Variants in CPSF1 observed in about 807,000 individuals in gnomAD.
CPSF1 encodes cleavage and polyadenylation specificity factor subunit 1.
Under a neutral mutation model 175.8 loss-of-function variants are expected in CPSF1, and 106 were observed. The observed-to-expected ratio is 0.60, with a 90% CI of 0.52 to 0.71. CPSF1 has a LOEUF of 0.71. Ranked by LOEUF, CPSF1 falls within the 30% of genes least tolerant of loss-of-function variation. The pLI, the probability that CPSF1 is intolerant of heterozygous loss-of-function variation, is 0.00. For missense variants in CPSF1, 1,734 were observed against 2,022.9 expected (o/e 0.86, Z 2.74); for synonymous variants, 1,024 against 858.3 (o/e 1.19, Z -3.37).
chr8:144,397,690 C>T, intron 21 of CPSF1, 29 bp from the exon 22 acceptor site: 4 of 1,562,096 alleles, frequency 2.6e-6, no homozygotes, highest in Non-Finnish European at 3.5e-6. Context: ...TCATGGGCGG[C>T]CTGCCAGCCC....
chr8:144,406,215 A>G (rs1432132074), intron 2 of CPSF1, among the ~76,000 whole-genome samples: 1 of 152,066 alleles, frequency 6.6e-6, no homozygotes, highest in Non-Finnish European at 1.5e-5. Context: ...TTATGGCTCC[A>G]TTTCTTGCTT....
At chr8:144,402,115 G>A (rs1239872867) in intron 2 of CPSF1, among the ~76,000 whole-genome samples, 4 of 152,054 alleles carry the variant, frequency 2.6e-5, no homozygotes, top group African/African-American at 9.7e-5. Flanking sequence ...TAGAGAAGAG[G>A]AAGCCCTGCG....
At position 144,402,599 on chromosome 8, in the gene CPSF1, G is replaced by A. The variant is rs940520133; in HGVS notation, c.145-926C>T. Among the ~76,000 whole-genome samples, 3 of 152,086 alleles carry A rather than the reference G, an allele frequency of 2.0e-5. No homozygotes were observed. In the South Asian group the frequency reaches 6.2e-4, roughly 31 times the overall value. On this transcript the variant is annotated intron_variant, in intron 2 of 37. Transcript: ENST00000616140. ...GGATTACAGGCGTGAGCCACCTCAA[G>A]GTCATTTTTCACGATGGACTTGTGC...
chr8:144,396,967 G>A (rs990922642), intron 23 of CPSF1, 38 bp from the exon 24 acceptor site: 22 of 1,494,160 alleles, frequency 1.5e-5, no homozygotes, highest in Middle Eastern at 1.7e-4. Flanking sequence ...AACGGGCAGG[G>A]CCATGGAGAA....
At position 144,396,382 on chromosome 8, in the gene CPSF1, T is replaced by C. The variant is rs782380531; in HGVS notation, c.2945A>G (p.Asn982Ser). The C allele has an allele frequency of 6.3e-6, 10 of 1,589,344 alleles. No homozygotes were observed. The highest frequency in any genetic ancestry group is 2.3e-5 in the South Asian group (2 of 87,944). Residue 982 changes from asparagine to serine, a missense_variant, in exon 26 of 38, where the codon AAC becomes AGC. Transcript: ENST00000616140. ...GAAGTACAGGAAGCCGCGGGGACAG[T>C]TGACATTGTGGAATGGAGCGAAAGA... ...VDSFAPFHNV[N>S]CPRGFLYFNR...
intron 2 of CPSF1, among the ~76,000 whole-genome samples, chr8:144,402,986 C>T (rs1417956444): frequency 6.6e-6 from 1 of 152,088 alleles, no homozygotes; most frequent in African/African-American, 2.4e-5. Context: ...GCTAAACTTA[C>T]CATGCTGTCA....
At chr8:144,405,171 G>A (rs1184498350) in intron 2 of CPSF1, among the ~76,000 whole-genome samples, 4 of 152,228 alleles carry the variant, frequency 2.6e-5, no homozygotes, top group Non-Finnish European at 5.9e-5. Flanking sequence ...TAACCTTACA[G>A]TGGGGGAATC....
Position 144,409,094 on chromosome 8 carries a change from A to C in CPSF1, c.65T>G (p.Phe22Cys). The stretch of plus-strand genomic sequence containing the variant: ...CAGGTTGCGCTCGCTGTTGTTGAAG[A>C]AGTTGCAGTACATGGAGAACTCCAG... ...TGLEFSMYCNFFNNSERNLVV... is the reference protein window; with the variant it reads ...TGLEFSMYCNCFNNSERNLVV... Residue 22 changes from phenylalanine to cysteine, a missense_variant, in exon 2 of 38, where the codon TTC (phenylalanine) becomes TGC (cysteine). This residue lies in a region of CPSF1 where 126 missense variants were observed against 117.9 expected (regional missense o/e 1.07). Coordinates refer to ENST00000616140, the MANE Select transcript of CPSF1 (RefSeq NM_013291.3). The C allele has an allele frequency of 6.2e-7, 1 of 1,613,860 alleles. No individual in the cohort carries two copies. Among genetic ancestry groups the C allele is most frequent in the Non-Finnish European group, 8.5e-7 (1 of 1,179,916 alleles).
At position 144,397,957 on chromosome 8, in the gene CPSF1, G is replaced by T. The variant is rs1820878081; in HGVS notation, c.2070C>A (p.His690Gln). The T allele has an allele frequency of 2.5e-6, 4 of 1,607,724 alleles. No individual in the cohort carries two copies. The highest frequency in any genetic ancestry group is 3.4e-6 in the Non-Finnish European group (4 of 1,178,058). The change falls in exon 20 of 38, where the codon CAC becomes CAA. Residue 690 changes from histidine to glutamine, a missense_variant. Physicochemically the swap from His to Gln is conservative, Grantham distance 24. Around this residue, in one of 10 missense-constraint regions of CPSF1, gnomAD observed 280 missense variants for 349.2 expected, o/e 0.80. Transcript: ENST00000616140. ...CGCCGGGAATGAGGGGGCCTACATG[G>T]TGCAGCGGGGGCTTGTGCAGCGCCA... ...HRLALHKPPL[H>Q]HQSKVITLCL...
In CPSF1 at chr8:144,395,423, G is replaced by T. The variant is rs782818058; in HGVS notation, c.3096+12C>A. ...CCAGAAGGTCCCTGGTGGGGTGGGG[G>T]TGGGGGCAGACCTTAGACTCCACGT... On this transcript the variant is annotated intron_variant, in intron 27 of 37. Coordinates refer to ENST00000616140, the MANE Select transcript of CPSF1 (RefSeq NM_013291.3). 6 of 1,612,766 alleles carry T rather than the reference G, an allele frequency of 3.7e-6. No homozygotes were observed. Among genetic ancestry groups the T allele is most frequent in the African/African-American group, 1.3e-5 (1 of 74,920 alleles).
rs2116855930 is a variant in CPSF1, at chr8:144,398,890, G to A, written c.1549-22C>T. 7.5e-6 allele frequency: 12 copies of A among 1,609,230 alleles called. No homozygotes were observed. In the East Asian group the frequency reaches 2.2e-4, roughly 30 times the overall value. ...TCTTCTAGAATGATGATGGGGTGGG[G>A]GTGTGATGGGGGTGTGAGCCCACCC... On this transcript the variant is annotated intron_variant, in intron 16 of 37. Transcript: ENST00000616140.
chr8:144,403,886 C>T (rs1213742854), intron 2 of CPSF1, among the ~76,000 whole-genome samples: 1 of 151,684 alleles, frequency 6.6e-6, no homozygotes, highest in Admixed American at 6.6e-5. Context: ...AAAAAGTCTA[C>T]AGCAATGTGG....
rs1205411506 is a variant in CPSF1, at chr8:144,400,141, C to CCG, written c.937+24_937+25insCG. The CCG allele has an allele frequency of 1.3e-4, 165 of 1,254,214 alleles. 7 individuals are homozygous for CCG. Among genetic ancestry groups the CCG allele is most frequent in the South Asian group, 3.6e-4 (26 of 72,964 alleles). 77.7% of individuals were successfully genotyped at this position (1,254,214 alleles called of 1,614,324 possible). A position where few individuals can be genotyped will look rare whatever the true frequency, so the allele number is the denominator to read the frequency against. On this transcript the variant is annotated intron_variant, in intron 9 of 37. Transcript: ENST00000616140. ...AGGCCCAAGCCGTCCCCGGGCCCCC[C>CCG]CCGCCCCAGCCACCCCACACTCACG...
At chr8:144,396,022 C>G (rs151014429) in intron 26 of CPSF1, 1 of 426,874 alleles carries the variant, frequency 2.3e-6, no homozygotes, top group Non-Finnish European at 4.3e-6. Context: ...CCCAAAGTCA[C>G]AGAGCAGCCA....
At chr8:144,400,113 G>C in intron 9 of CPSF1, 28 bp from the exon 10 acceptor site, 1 of 1,589,578 alleles carries the variant, frequency 6.3e-7, no homozygotes, top group Non-Finnish European at 8.6e-7. Flanking sequence ...AGGCCGACTA[G>C]GCAGGCCCAA....
chr8:144,404,648 G>GCTCA (rs1407604072), intron 2 of CPSF1, among the ~76,000 whole-genome samples: 9 of 151,926 alleles, frequency 5.9e-5, no homozygotes, highest in African/African-American at 1.9e-4. Context: ...GGGATTACAG[G>GCTCA]CGTGAGCCAC....
intron 31 of CPSF1, 21 bp from the exon 32 acceptor site, chr8:144,394,576 G>C (rs782745137): frequency 5.0e-6 from 8 of 1,605,574 alleles, no homozygotes; most frequent in Non-Finnish European, 6.8e-6. Flanking sequence ...GGGCGAGGGT[G>C]AGCGGGCGCG....
chr8:144,398,193 T>G, intron 19 of CPSF1, 61 bp from the exon 20 acceptor site: 1 of 999,164 alleles, frequency 1.0e-6, no homozygotes. Context: ...ACCTACCTCC[T>G]TCCAGCAGGC....
Position 144,396,497 on chromosome 8 carries a change from A to G in CPSF1, c.2830T>C (p.Phe944Leu). 1 of 1,611,352 alleles carries G rather than the reference A, an allele frequency of 6.2e-7. No individual in the cohort carries two copies. The highest frequency in any genetic ancestry group is 8.5e-7 in the Non-Finnish European group (1 of 1,179,164). The change falls in exon 26 of 38, where the codon TTC (phenylalanine) becomes CTC (leucine). Residue 944 changes from phenylalanine to leucine, a missense_variant. Physicochemically the swap from Phe to Leu is conservative, Grantham distance 22 (BLOSUM62 0). Around this residue, in one of 10 missense-constraint regions of CPSF1, gnomAD observed 585 missense variants for 584.7 expected, o/e 1.00. Transcript: ENST00000616140. ...FEDIYGYSGV[F>L]ICGPSPHWLL... is the part of the protein sequence containing the mutation. ...CAGTGAGGGGAGGGGCCGCAGATGA[A>G]GACCTGGGGGCAGGCACCGTGAGGA... is the stretch of plus-strand genomic sequence containing the variant.
Sources: gnomAD v4.1 joint callset for allele counts (sites outside exome capture counted in the v4.1 genomes callset) on GRCh38, gnomAD v4.1.1 for gene constraint, gnomAD v4.1.1 regional missense constraint, MANE v1.5 for transcripts, NCBI Gene and HGNC (gene_info 2026-07-23, HGNC 2026-07-21) for gene names.